CNTNAP2: variants seen among roughly 807,000 people sequenced by gnomAD.
CNTNAP2 encodes contactin associated protein 2.
In CNTNAP2, 98 loss-of-function variants were observed where a neutral mutation model predicts 155.2. The observed-to-expected ratio is 0.63, with a 90% CI of 0.54 to 0.75. The LOEUF (loss-of-function observed/expected upper bound fraction) is 0.75, where lower values mean the gene tolerates loss of function less well. Among genes scored for constraint, CNTNAP2 ranks in the 30% least tolerant of loss-of-function variants. The pLI, the probability that CNTNAP2 is intolerant of heterozygous loss-of-function variation, is 0.00. For missense variants in CNTNAP2, 1,727 were observed against 1,688.1 expected (o/e 1.02, Z -0.40); for synonymous variants, 651 against 631.2 (o/e 1.03, Z -0.47).
intron 11 of CNTNAP2, among the ~76,000 whole-genome samples, chr7:147,528,980 C>G (rs1227925022): frequency 2.0e-5 from 3 of 152,144 alleles, no homozygotes; most frequent in Non-Finnish European, 4.4e-5. Flanking sequence ...GGGGATGAAA[C>G]CATCTTTAAT....
At chr7:148,008,207 C>CA (rs34226824) in intron 15 of CNTNAP2, among the ~76,000 whole-genome samples, 11,239 of 142,470 alleles carry the variant, frequency 0.079, 563 homozygotes, top group East Asian at 0.24. Context: ...ACTAAAAATA[C>CA]AAAAAAAAAA....
intron 15 of CNTNAP2, among the ~76,000 whole-genome samples, chr7:148,054,695 T>C (rs1184274435): frequency 6.6e-6 from 1 of 152,032 alleles, no homozygotes; most frequent in African/African-American, 2.4e-5. Context: ...TATAGTTCTT[T>C]GCTGATCATC....
intron 1 of CNTNAP2, among the ~76,000 whole-genome samples, chr7:146,556,530 T>A (rs2129143641): frequency 6.6e-6 from 1 of 152,314 alleles, no homozygotes; most frequent in East Asian, 1.9e-4. Context: ...TACTTTCTTC[T>A]ACTTTTCTGT....
At chr7:146,690,617 C>G (rs543012220) in intron 1 of CNTNAP2, among the ~76,000 whole-genome samples, 14 of 152,250 alleles carry the variant, frequency 9.2e-5, no homozygotes, top group African/African-American at 3.4e-4. Context: ...AGAATCTGCT[C>G]TCGACCAGTA....
intron 8 of CNTNAP2, among the ~76,000 whole-genome samples, chr7:147,267,981 T>TGGA (rs1554460800): frequency 6.6e-6 from 1 of 152,188 alleles, no homozygotes; most frequent in Non-Finnish European, 1.5e-5. Context: ...TGAGAAGCAG[T>TGGA]GGAAGGTTCC....
intron 13 of CNTNAP2, among the ~76,000 whole-genome samples, chr7:147,814,938 G>A (rs1017920780): frequency 6.6e-6 from 1 of 152,112 alleles, no homozygotes; most frequent in African/African-American, 2.4e-5. Flanking sequence ...TAATAATGTA[G>A]CTGGGAAAAT....
At chr7:146,933,968 T>C (rs1381108191) in intron 3 of CNTNAP2, among the ~76,000 whole-genome samples, 2 of 151,962 alleles carry the variant, frequency 1.3e-5, no homozygotes, top group Admixed American at 1.3e-4. Flanking sequence ...TGTGGAGAAA[T>C]AGGAACACTT....
chr7:146,674,814 AG>A (rs1330560927), intron 1 of CNTNAP2, among the ~76,000 whole-genome samples: 1 of 152,194 alleles, frequency 6.6e-6, no homozygotes. Flanking sequence ...GTAGTAAATA[AG>A]GGCTATTTAG....
At chr7:147,225,854 GGAGGGAAAGAAGGAAGGAGGGAAA>G in intron 8 of CNTNAP2, among the ~76,000 whole-genome samples, 1 of 130,814 alleles carries the variant, frequency 7.6e-6, no homozygotes, top group Non-Finnish European at 1.6e-5. Context: ...AAAGAAGGAA[GGAGGGAAAGAAGGAAGGAGGGAAA>G]GAAGGAAGGA....
intron 13 of CNTNAP2, among the ~76,000 whole-genome samples, chr7:147,687,684 C>G (rs1796033497): frequency 1.3e-5 from 2 of 151,984 alleles, no homozygotes; most frequent in Admixed American, 6.6e-5. Flanking sequence ...GTATATAAGG[C>G]AGCAACAGAG....
intron 14 of CNTNAP2, among the ~76,000 whole-genome samples, chr7:147,923,322 G>A (rs1800318861): frequency 6.6e-6 from 1 of 152,078 alleles, no homozygotes; most frequent in Admixed American, 6.5e-5. Context: ...AAGACACAGG[G>A]ACAGACACAC....
intron 5 of CNTNAP2, among the ~76,000 whole-genome samples, chr7:147,118,548 C>G (rs775354973): frequency 6.0e-5 from 9 of 151,142 alleles, no homozygotes; most frequent in Non-Finnish European, 1.2e-4. Flanking sequence ...AATGGGGATG[C>G]GTTCTGAGAA....
chr7:147,069,979 G>C (rs544042828), intron 4 of CNTNAP2, among the ~76,000 whole-genome samples: 4 of 152,104 alleles, frequency 2.6e-5, no homozygotes, highest in Non-Finnish European at 4.4e-5. Flanking sequence ...ATAATCTATC[G>C]GTCACAGCTG....
intron 3 of CNTNAP2, among the ~76,000 whole-genome samples, chr7:147,038,121 A>G (rs1356319640): frequency 6.6e-6 from 1 of 152,142 alleles, no homozygotes; most frequent in African/African-American, 2.4e-5. Flanking sequence ...GTGCCACTGT[A>G]CTCTAGCCTG....
intron 21 of CNTNAP2, among the ~76,000 whole-genome samples, chr7:148,284,016 A>G (rs1312140603): frequency 6.6e-6 from 1 of 152,254 alleles, no homozygotes; most frequent in Non-Finnish European, 1.5e-5. Context: ...CAGCAACTGT[A>G]TGAAACATAG....
intron 1 of CNTNAP2, among the ~76,000 whole-genome samples, chr7:146,400,635 G>T (rs1461362653): frequency 6.6e-6 from 1 of 152,180 alleles, no homozygotes; most frequent in Non-Finnish European, 1.5e-5. Flanking sequence ...AAAGTTTGGG[G>T]TTGTTTTCTT....
chr7:146,142,071 C>G (rs142219129), intron 1 of CNTNAP2, among the ~76,000 whole-genome samples: 261 of 152,290 alleles, frequency 1.7e-3, no homozygotes, highest in African/African-American at 6.0e-3. Context: ...TAACCCACAT[C>G]TCACCATATT....
chr7:147,629,595 A>G (rs983881354), intron 12 of CNTNAP2, among the ~76,000 whole-genome samples: 2 of 152,042 alleles, frequency 1.3e-5, no homozygotes, highest in Non-Finnish European at 2.9e-5. Context: ...ACAAGTCTTG[A>G]TAAACTTAAG....
chr7:147,016,774 A>G (rs536162096), intron 3 of CNTNAP2, among the ~76,000 whole-genome samples: 6 of 152,188 alleles, frequency 3.9e-5, no homozygotes, highest in Non-Finnish European at 5.9e-5. Flanking sequence ...TTGTTTTTCA[A>G]GGAAAAATGG....
Sources: gnomAD v4.1 joint callset for allele counts (sites outside exome capture counted in the v4.1 genomes callset) on GRCh38, gnomAD v4.1.1 for gene constraint, MANE v1.5 for transcripts, NCBI Gene and HGNC (gene_info 2026-07-23, HGNC 2026-07-21) for gene names.